The following PCDH11X variants were observed in gnomAD, a reference collection of about 807,000 sequenced individuals.
PCDH11X encodes the protein protocadherin 11 X-linked.
Under a neutral mutation model 53.3 loss-of-function variants are expected in PCDH11X, and 18 were observed. That is an observed-to-expected ratio of 0.34 (90% confidence interval 0.23 to 0.50). The LOEUF (loss-of-function observed/expected upper bound fraction) is 0.50. Among genes scored for constraint, PCDH11X ranks in the 20% least tolerant of loss-of-function variants. The pLI is 0.98. For missense variants in PCDH11X, 570 were observed against 1,032.4 expected, an observed-to-expected ratio of 0.55 and a Z score of 6.14; for synonymous variants, 279 against 393.3, an observed-to-expected ratio of 0.71 and a Z score of 3.44.
intron 9 of PCDH11X, among the ~76,000 whole-genome samples, chrX:92,442,846 G>C (rs756917844): frequency 1.8e-5 from 2 of 109,707 alleles, no homozygotes; most frequent in East Asian, 5.8e-4. Context: ...TCCATGTCTT[G>C]TTATTGTGAA....
At chrX:92,540,443 C>A (rs953005193) in intron 10 of PCDH11X, among the ~76,000 whole-genome samples, 9 of 106,950 alleles carry the variant, frequency 8.4e-5, no homozygotes, top group African/African-American at 3.1e-4. Flanking sequence ...AACTATGACA[C>A]GCCTTTCAAG....
chrX:92,199,508 T>C (rs1206550746), intron 6 of PCDH11X, among the ~76,000 whole-genome samples: 1 of 111,894 alleles, frequency 8.9e-6, no homozygotes. Flanking sequence ...TGATGAACCA[T>C]AGTTCATTTT....
intron 8 of PCDH11X, among the ~76,000 whole-genome samples, chrX:92,364,253 A>T (rs1379392048): frequency 9.0e-6 from 1 of 111,662 alleles, no homozygotes; most frequent in African/African-American, 3.3e-5. Context: ...GAGTGTACTT[A>T]CATGAACTTA....
intron 7 of PCDH11X, among the ~76,000 whole-genome samples, chrX:92,248,314 C>T (rs1375296135): frequency 9.0e-6 from 1 of 111,731 alleles, no homozygotes; most frequent in Non-Finnish European, 1.9e-5. Flanking sequence ...CAGCCACATT[C>T]TAGGTTCAAG....
intron 6 of PCDH11X, among the ~76,000 whole-genome samples, chrX:91,966,454 C>T (rs1282126558): frequency 1.0e-4 from 11 of 107,462 alleles, no homozygotes; most frequent in South Asian, 4.2e-4. Context: ...ACAATGAGAA[C>T]GCATGGACAC....
At chrX:92,008,976 A>G (rs1284848774) in intron 6 of PCDH11X, among the ~76,000 whole-genome samples, 1 of 112,011 alleles carries the variant, frequency 8.9e-6, no homozygotes, top group Admixed American at 9.5e-5. Context: ...AAGAAATCGG[A>G]ACAAACAAAC....
In PCDH11X at chrX:92,056,183, A is replaced by T. The variant is rs2063446466; in HGVS notation, c.3034-145192A>T. On this transcript the variant is annotated intron_variant, in intron 6 of 10. Coordinates refer to ENST00000682573, the MANE Select transcript of PCDH11X (RefSeq NM_032968.5). ...TATATAAGAATTCCTTTTTCTCCAC[A>T]ACCTCATCAGCATCTGTTATTTTTT... is the stretch of plus-strand genomic sequence containing the variant. 9.0e-5 allele frequency among the ~76,000 whole-genome samples: 10 copies of T among 111,580 alleles called. No individual in the cohort carries two copies. In the South Asian group the frequency reaches 3.8e-3, roughly 42 times the overall value.
intron 10 of PCDH11X, among the ~76,000 whole-genome samples, chrX:92,490,597 G>T (rs1411394395): frequency 9.1e-6 from 1 of 110,107 alleles, no homozygotes; most frequent in Non-Finnish European, 1.9e-5. Flanking sequence ...AGAGTCCAGA[G>T]ACCATGGTTC....
chrX:92,548,551 A>G (rs193299386), intron 10 of PCDH11X, among the ~76,000 whole-genome samples: 2 of 111,704 alleles, frequency 1.8e-5, no homozygotes, highest in African/African-American at 3.3e-5. Context: ...CAAACCTATG[A>G]TAACATGATG....
At chrX:92,013,008 A>G (rs1184714129) in intron 6 of PCDH11X, among the ~76,000 whole-genome samples, 3 of 111,492 alleles carry the variant, frequency 2.7e-5, no homozygotes, top group African/African-American at 9.8e-5. Context: ...CCTTTTCAAC[A>G]TAGTGTTGGA....
intron 4 of PCDH11X, among the ~76,000 whole-genome samples, chrX:91,823,324 T>C (rs1173901672): frequency 9.0e-6 from 1 of 110,654 alleles, no homozygotes; most frequent in East Asian, 2.8e-4. Flanking sequence ...TCTTTGTAGG[T>C]CACTCAGGAC....
At chrX:92,575,944 T>TACAC (rs1162998590) in intron 10 of PCDH11X, among the ~76,000 whole-genome samples, 7 of 19,898 alleles carry the variant, frequency 3.5e-4, no homozygotes, top group Non-Finnish European at 3.3e-4. Context: ...TATATATATA[T>TACAC]ACACACACAC....
intron 10 of PCDH11X, among the ~76,000 whole-genome samples, chrX:92,514,627 C>T (rs1369692532): frequency 6.6e-5 from 7 of 106,546 alleles, no homozygotes; most frequent in East Asian, 3.1e-4. Flanking sequence ...GCTACTCGGG[C>T]GGCTGAGGCA....
chrX:92,447,797 T>G (rs1405997567), intron 9 of PCDH11X, among the ~76,000 whole-genome samples: 1 of 111,917 alleles, frequency 8.9e-6, no homozygotes, highest in Non-Finnish European at 1.9e-5. Context: ...GCCTGGAAAA[T>G]CCACAGACAC....
At chrX:91,918,018 G>A (rs1352186068) in intron 6 of PCDH11X, among the ~76,000 whole-genome samples, 2 of 100,681 alleles carry the variant, frequency 2.0e-5, no homozygotes, top group East Asian at 3.2e-4. Context: ...CAGGTAGGAT[G>A]TGATTATTGA....
At chrX:92,399,019 C>T (rs1429488423) in intron 9 of PCDH11X, among the ~76,000 whole-genome samples, 1 of 108,113 alleles carries the variant, frequency 9.2e-6, no homozygotes, top group African/African-American at 3.4e-5. Flanking sequence ...AGGTGAAACC[C>T]CGTCTCTACT....
In PCDH11X at chrX:92,622,933, A is replaced by G. The variant is rs780753450; in HGVS notation, c.*3993A>G. ...AGTGATTGTAAGTGATACTTTTTAAAGAGTAAACTGTGTGAAATTTATACT... is the reference window on the plus strand; with the variant it reads ...AGTGATTGTAAGTGATACTTTTTAAGGAGTAAACTGTGTGAAATTTATACT... On this transcript the variant is annotated 3_prime_UTR_variant, in exon 11 of 11. Coordinates refer to ENST00000682573, the MANE Select transcript of PCDH11X (RefSeq NM_032968.5). The G allele has an allele frequency of 9.0e-5, 10 of 111,703 alleles. No individual in the cohort carries two copies. The highest frequency in any genetic ancestry group is 3.2e-4 in the African/African-American group (10 of 30,790). 9.2% of individuals were successfully genotyped at this position (111,703 alleles called of 1,213,427 possible).
chrX:92,018,553 C>T (rs2062833962), intron 6 of PCDH11X, among the ~76,000 whole-genome samples: 2 of 112,054 alleles, frequency 1.8e-5, no homozygotes, highest in African/African-American at 6.5e-5. Context: ...TACAGCCTCT[C>T]AGGACAGCTA....
At chrX:92,065,333 C>A (rs141798163) in intron 6 of PCDH11X, among the ~76,000 whole-genome samples, 1 of 109,918 alleles carries the variant, frequency 9.1e-6, no homozygotes, top group Admixed American at 9.7e-5. Flanking sequence ...TGTTATACTG[C>A]GGATATCACT....
Sources: allele counts gnomAD v4.1 joint callset (sites outside exome capture counted in the v4.1 genomes callset), GRCh38; gene constraint gnomAD v4.1.1; transcripts MANE v1.5; gene names NCBI Gene and HGNC (gene_info 2026-07-23, HGNC 2026-07-21).